Variants in USP49 observed in about 807,000 individuals in gnomAD.
USP49 encodes the protein ubiquitin specific peptidase 49.
USP49 carries 24 observed loss-of-function variants against 58.6 expected under a neutral mutation model. That is an observed-to-expected ratio of 0.41 (90% confidence interval 0.30 to 0.58). USP49 has a LOEUF of 0.58. USP49 is among the 20% of genes least tolerant of loss of function. The probability of loss-of-function intolerance (pLI) is 0.30; values close to 1 mark genes in which losing one functional copy is unlikely to be tolerated. For missense variants in USP49, 703 were observed against 866.1 expected, an observed-to-expected ratio of 0.81 and a Z score of 2.36; for synonymous variants, 408 against 365.1, an observed-to-expected ratio of 1.12 and a Z score of -1.34.
chr6:41,824,842 A>C (rs1773511995), intron 3 of USP49, among the ~76,000 whole-genome samples: 1 of 152,240 alleles, frequency 6.6e-6, no homozygotes, highest in Non-Finnish European at 1.5e-5. Context: ...TACAGGTCCA[A>C]GAGAATGTGC....
chr6:41,823,195 A>G (rs868586657), intron 3 of USP49, among the ~76,000 whole-genome samples: 5 of 152,236 alleles, frequency 3.3e-5, no homozygotes, highest in Admixed American at 2.0e-4. Flanking sequence ...AGCTGGTGAC[A>G]GCACATGCTT....
intron 3 of USP49, among the ~76,000 whole-genome samples, chr6:41,810,511 A>T (rs578117970): frequency 2.0e-5 from 3 of 149,328 alleles, no homozygotes; most frequent in African/African-American, 7.3e-5. Flanking sequence ...AAATAAATAA[A>T]AAATAAATAA....
Position 41,806,135 on chromosome 6 carries a change from G to A in USP49, c.849C>T (p.Asn283=), listed in dbSNP as rs1313058600. The A allele has an allele frequency of 1.9e-6, 3 of 1,613,854 alleles. No individual in the cohort carries two copies. Among genetic ancestry groups the A allele is most frequent in the Non-Finnish European group, 2.5e-6 (3 of 1,180,048 alleles). The change falls in exon 4 of 8, where the codon AAC becomes AAT. Residue 283 remains asparagine (N), a synonymous_variant. Coordinates refer to ENST00000682992, the MANE Select transcript of USP49 (RefSeq NM_001286554.2). The surrounding 1 kb of genome is among the most constrained non-coding windows in gnomAD (Gnocchi z 5.9). Reference sequence around the variant, plus strand: ...GATGTTCCGTTTTGGAAGGGTCAAGGTTGAGGAAACATTCTCGGAACTTCT... The same window carrying A: ...GATGTTCCGTTTTGGAAGGGTCAAGATTGAGGAAACATTCTCGGAACTTCT... ...HLQKFRECFL[N]LDPSKTEHLF... is the part of the protein sequence containing the mutation.
chr6:41,827,194 C>T (rs1410309995), intron 3 of USP49, among the ~76,000 whole-genome samples: 1 of 152,192 alleles, frequency 6.6e-6, no homozygotes, highest in African/African-American at 2.4e-5. Context: ...AGAAACTGGG[C>T]ATCATACGTT....
chr6:41,870,688 A>ATTTTTTTTTTTTTTTTTT (rs70987539), intron 3 of USP49, among the ~76,000 whole-genome samples: 4 of 116,064 alleles, frequency 3.4e-5, no homozygotes, highest in Non-Finnish European at 5.2e-5. Context: ...CACCTGGCTA[A>ATTTTTTTTTTTTTTTTTT]TTTTTTTTTT....
chr6:41,809,439 C>T (rs1372955746), intron 3 of USP49, among the ~76,000 whole-genome samples: 1 of 148,884 alleles, frequency 6.7e-6, no homozygotes, highest in Non-Finnish European at 1.5e-5. Context: ...GCAGGCGAAT[C>T]GCTAGAACCT....
At chr6:41,875,438 T>C (rs1298268509) in intron 2 of USP49, among the ~76,000 whole-genome samples, 1 of 152,230 alleles carries the variant, frequency 6.6e-6, no homozygotes, top group Non-Finnish European at 1.5e-5. Context: ...AGAAATAGCA[T>C]CTTTGTCTTA....
intron 5 of USP49, 55 bp from the exon 6 acceptor site, chr6:41,799,993 T>C: frequency 6.7e-7 from 1 of 1,496,090 alleles, no homozygotes; most frequent in Non-Finnish European, 9.3e-7. Context: ...TTTCTAGCTA[T>C]GGCAGAGACA....
chr6:41,871,278 C>T (rs969070965), intron 3 of USP49, among the ~76,000 whole-genome samples: 6 of 152,102 alleles, frequency 3.9e-5, no homozygotes, highest in Non-Finnish European at 8.8e-5. Context: ...TCTATCTTAC[C>T]ACCAAGTTTC....
intron 4 of USP49, 139 bp from the exon 5 acceptor site, chr6:41,804,149 T>C: frequency 1.4e-6 from 1 of 703,866 alleles, no homozygotes; most frequent in South Asian, 2.2e-5. Context: ...ATAATAAACA[T>C]AACTTTAAAA....
chr6:41,876,136 G>A (rs1774500920), intron 2 of USP49, among the ~76,000 whole-genome samples: 2 of 152,164 alleles, frequency 1.3e-5, no homozygotes, highest in Non-Finnish European at 2.9e-5. Flanking sequence ...ATATTGTTAT[G>A]TCACTTTATG....
At position 41,838,567 on chromosome 6, in the gene USP49, G is replaced by T. The variant is rs577130417; in HGVS notation, c.-28-31556C>A. Among the ~76,000 whole-genome samples, 8 of 152,292 alleles carry T rather than the reference G, an allele frequency of 5.3e-5. No homozygotes were observed. The East Asian group carries it at 1.2e-3, about 22-fold the overall frequency. ...TAAGGAAGCCCTATCCCTAGGGGAA[G>T]GGGGAGAGCACCACATCAAGGGATC... On this transcript the variant is annotated intron_variant, in intron 3 of 7. Transcript: ENST00000682992.
At chr6:41,809,859 TAAAG>T (rs1183985515) in intron 3 of USP49, among the ~76,000 whole-genome samples, 4 of 128,876 alleles carry the variant, frequency 3.1e-5, no homozygotes, top group Non-Finnish European at 6.7e-5. Flanking sequence ...AATTAAAAAA[TAAAG>T]AAAATAGGCC....
intron 3 of USP49, among the ~76,000 whole-genome samples, chr6:41,815,404 G>C (rs1380594775): frequency 6.6e-6 from 1 of 151,494 alleles, no homozygotes; most frequent in Non-Finnish European, 1.5e-5. Flanking sequence ...CTGGGCGACA[G>C]AGTGAGACTC....
At position 41,806,324 on chromosome 6, in the gene USP49, GC is replaced by G; in HGVS notation, c.659del (p.Gly220AlafsTer45). The part of the protein sequence containing the change: ...RLLLHTPRDA[G>X]PAASRPAALP... ...GGGCGGCGGGGCGCGAGGCAGCCGG[GC>G]CCGCGTCGCGGGGCGTGTGCAGGAG... On this transcript the variant is annotated frameshift_variant, in exon 4 of 8. Transcript: ENST00000682992. LOFTEE classifies it high-confidence loss of function. This position sits in a 1 kb window ranked among gnomAD's most constrained non-coding sequence, Gnocchi z 5.9. 2 of 1,539,764 alleles carry G rather than the reference GC, an allele frequency of 1.3e-6. No individual in the cohort carries two copies. The highest frequency in any genetic ancestry group is 1.2e-5 in the South Asian group (1 of 81,194).
intron 5 of USP49, among the ~76,000 whole-genome samples, chr6:41,800,678 T>C (rs1462755893): frequency 6.6e-6 from 1 of 152,214 alleles, no homozygotes. Flanking sequence ...GGATAAGTTA[T>C]TCAAAACTCT....
chr6:41,804,949 TG>T (rs1170184143), intron 4 of USP49, among the ~76,000 whole-genome samples: 1 of 152,244 alleles, frequency 6.6e-6, no homozygotes, highest in Non-Finnish European at 1.5e-5. Context: ...GGTTTCACCA[TG>T]TTGGCCAGGC....
chr6:41,867,246 C>G (rs577094266), intron 3 of USP49, among the ~76,000 whole-genome samples: 1 of 152,186 alleles, frequency 6.6e-6, no homozygotes, highest in Non-Finnish European at 1.5e-5. Context: ...ATTACACGAC[C>G]TGTAAGTCAC....
rs551491700 is a variant in USP49 at position 41,832,821 on chromosome 6, G to A, written c.-28-25810C>T. On this transcript the variant is annotated intron_variant, in intron 3 of 7. Coordinates refer to ENST00000682992, the MANE Select transcript of USP49 (RefSeq NM_001286554.2). Reference sequence around the variant, plus strand: ...AACTAAAATGATTGACTAATTGGATGTCTTAAATCTTAAAACACTAGAATA... The same window carrying A: ...AACTAAAATGATTGACTAATTGGATATCTTAAATCTTAAAACACTAGAATA... 5 of 152,266 alleles carry A rather than the reference G, an allele frequency of 3.3e-5. No homozygotes were observed. In the East Asian group the frequency reaches 7.7e-4, roughly 23 times the overall value. The allele number at this position is 152,266 out of a possible 1,614,324, so 9.4% of individuals were successfully genotyped here. A position where few individuals can be genotyped will look rare whatever the true frequency, so the allele number is the denominator to read the frequency against.
Sources: gnomAD v4.1 joint callset for allele counts (sites outside exome capture counted in the v4.1 genomes callset) on GRCh38, gnomAD v4.1.1 for gene constraint, Gnocchi (gnomAD v3.1) non-coding constraint, MANE v1.5 for transcripts, NCBI Gene and HGNC (gene_info 2026-07-23, HGNC 2026-07-21) for gene names.